BTG4: variants seen among roughly 807,000 people sequenced by gnomAD.
The protein encoded by BTG4 is BTG anti-proliferation factor 4, also known as protein BTG4.
A neutral mutation model predicts 19.3 loss-of-function variants in BTG4; 10 were observed. The observed-to-expected ratio is 0.52, with a 90% CI of 0.32 to 0.88. The LOEUF (loss-of-function observed/expected upper bound fraction) is 0.88. Ranked by LOEUF, BTG4 falls within the 40% of genes least tolerant of loss-of-function variation. The pLI, the probability that BTG4 is intolerant of heterozygous loss-of-function variation, is 0.04. For missense variants in BTG4, 238 were observed against 281.9 expected, an observed-to-expected ratio of 0.84 and a Z score of 1.11; for synonymous variants, 91 against 95.7, an observed-to-expected ratio of 0.95 and a Z score of 0.29.
At chr11:111,446,624 AACAC>A in the BTG4 span, among the ~76,000 whole-genome samples, 1,093 of 146,926 alleles carry the variant, frequency 7.4e-3, 11 homozygotes, top group African/African-American at 0.023. Context: ...GACACCAATA[AACAC>A]ACACACACAC....
the BTG4 span, among the ~76,000 whole-genome samples, chr11:111,428,841 G>A: frequency 1.3e-5 from 2 of 152,124 alleles, no homozygotes; most frequent in Admixed American, 6.5e-5. Flanking sequence ...CAGGTTCGTG[G>A]TAACCAGGAA....
At chr11:111,384,153 C>T in the BTG4 span, among the ~76,000 whole-genome samples, 1 of 152,140 alleles carries the variant, frequency 6.6e-6, no homozygotes, top group African/African-American at 2.4e-5. Context: ...AGAAGACAAT[C>T]TCTTCTGAAA....
At chr11:111,397,018 T>C in the BTG4 span, 1 of 152,208 alleles carries the variant, frequency 6.6e-6, no homozygotes, top group Non-Finnish European at 1.5e-5. Context: ...CATAGAGCTG[T>C]TTCATTCAAA....
At chr11:111,454,722 A>C in the BTG4 span, among the ~76,000 whole-genome samples, 1 of 152,110 alleles carries the variant, frequency 6.6e-6, no homozygotes, top group African/African-American at 2.4e-5. Context: ...TAGAAGTCCA[A>C]GTACCAAAAC....
At chr11:111,433,064 A>C in the BTG4 span, among the ~76,000 whole-genome samples, 1 of 152,200 alleles carries the variant, frequency 6.6e-6, no homozygotes, top group Admixed American at 6.5e-5. Flanking sequence ...CAAGCCAGGC[A>C]GACTCTGACT....
chr11:111,471,772 C>T (rs952988850), intron 5 of BTG4, among the ~76,000 whole-genome samples: 2 of 152,228 alleles, frequency 1.3e-5, no homozygotes, highest in Non-Finnish European at 2.9e-5. Context: ...GCCATCTCCA[C>T]CTGACTGTTT....
intron 5 of BTG4, among the ~76,000 whole-genome samples, chr11:111,488,417 C>T (rs373407279): frequency 6.2e-4 from 95 of 152,246 alleles, no homozygotes; most frequent in Admixed American, 1.1e-3. Context: ...TGAAACTAGA[C>T]CACTATCTCT....
chr11:111,398,383 T>A, the BTG4 span, among the ~76,000 whole-genome samples: 1 of 152,218 alleles, frequency 6.6e-6, no homozygotes, highest in Non-Finnish European at 1.5e-5. Flanking sequence ...TTGGCATGCA[T>A]CAGATTGCTA....
At chr11:111,513,787 T>C (rs1167263519), upstream of BTG4, among the ~76,000 whole-genome samples, 5 of 152,220 alleles carry the variant, frequency 3.3e-5, no homozygotes, top group Admixed American at 1.3e-4. Flanking sequence ...TATGTTATTA[T>C]ATGAACATGT....
chr11:111,434,862 C>T, the BTG4 span: 1 of 152,172 alleles, frequency 6.6e-6, no homozygotes, highest in Non-Finnish European at 1.5e-5. Flanking sequence ...CCAGCCCAAG[C>T]CCTGAACAAT....
intron 5 of BTG4, among the ~76,000 whole-genome samples, chr11:111,478,020 C>T (rs1864497834): frequency 6.6e-6 from 1 of 152,054 alleles, no homozygotes; most frequent in Non-Finnish European, 1.5e-5. Context: ...AGTTCAAACC[C>T]TCCTCCACCT....
the BTG4 span, among the ~76,000 whole-genome samples, chr11:111,442,920 C>A: frequency 6.6e-6 from 1 of 152,206 alleles, no homozygotes; most frequent in Non-Finnish European, 1.5e-5. Flanking sequence ...CAACTGCCCA[C>A]TCCTTAAGTG....
At chr11:111,487,811 GCTAACAGTAAACAATCTGAAAAAGAAAC>G (rs1246437255) in intron 5 of BTG4, among the ~76,000 whole-genome samples, 1 of 152,052 alleles carries the variant, frequency 6.6e-6, no homozygotes, top group African/African-American at 2.4e-5. Flanking sequence ...ATTTCTATAT[GCTAACAGTAAACAATCTGAAAAAGAAAC>G]CAAGAAGCTA....
At chr11:111,421,640 C>T in the BTG4 span, among the ~76,000 whole-genome samples, 9 of 152,136 alleles carry the variant, frequency 5.9e-5, no homozygotes, top group African/African-American at 1.2e-4. Flanking sequence ...GGCGGCTGGG[C>T]GTGGTGGCTC....
At chr11:111,455,581 G>A in the BTG4 span, 2 of 284,450 alleles carry the variant, frequency 7.0e-6, no homozygotes, top group African/African-American at 4.4e-5. Flanking sequence ...ATGGGCTCCA[G>A]GTCAGAGAAA....
intron 5 of BTG4, among the ~76,000 whole-genome samples, chr11:111,469,541 C>T (rs774878455): frequency 9.9e-5 from 15 of 152,260 alleles, no homozygotes; most frequent in South Asian, 2.1e-4. Context: ...ACAAAATGCA[C>T]GTACCACTGC....
At chr11:111,493,886 C>A (rs1417079230), downstream of BTG4, among the ~76,000 whole-genome samples, 1 of 152,126 alleles carries the variant, frequency 6.6e-6, no homozygotes, top group East Asian at 1.9e-4. Flanking sequence ...AAGCTCCCTC[C>A]CCCTTCATCA....
At chr11:111,448,150 GCA>G in the BTG4 span, among the ~76,000 whole-genome samples, 2 of 152,214 alleles carry the variant, frequency 1.3e-5, no homozygotes, top group African/African-American at 4.8e-5. Context: ...ACATGCCTGA[GCA>G]CAGAGAACCC....
At chr11:111,497,943 G>C (rs1353834163) in intron 3 of BTG4, 55 bp downstream of exon 3, 1 of 1,573,448 alleles carries the variant, frequency 6.4e-7, no homozygotes. Context: ...ATGTAAAGTT[G>C]TCTAACTTAA....
Sources: allele counts gnomAD v4.1 joint callset (sites outside exome capture counted in the v4.1 genomes callset), GRCh38; gene constraint gnomAD v4.1.1; transcripts MANE v1.5; gene names NCBI Gene and HGNC (gene_info 2026-07-23, HGNC 2026-07-21).